The following CBARP variants were observed in gnomAD, a reference collection of about 807,000 sequenced individuals.
CBARP encodes voltage-dependent calcium channel beta subunit-associated regulatory protein.
CBARP carries 24 observed loss-of-function variants against 36.3 expected under a neutral mutation model. The observed-to-expected ratio is 0.66, with a 90% CI of 0.48 to 0.93. The LOEUF is 0.93. Ranked by LOEUF, CBARP falls within the 40% of genes least tolerant of loss-of-function variation. The pLI is 0.00. For synonymous variants in CBARP, 586 were observed against 453.2 expected, an observed-to-expected ratio of 1.29 and a Z score of -3.72; for missense variants, 1,146 against 980.4, an observed-to-expected ratio of 1.17 and a Z score of -2.26.
In CBARP at chr19:1,234,552, C is replaced by G; in HGVS notation, c.627+19G>C. The G allele has an allele frequency of 6.3e-7, 1 of 1,587,118 alleles. No homozygotes were observed. The highest frequency in any genetic ancestry group is 8.6e-7 in the Non-Finnish European group (1 of 1,166,974). ...CCTCCCGTCCCCCGAGGAACCGGGG[C>G]TGCTGCCCATAGGCTCACCTGGAAG... On this transcript the variant is annotated intron_variant, in intron 6 of 9. Coordinates refer to ENST00000650044, the MANE Select transcript of CBARP (RefSeq NM_001393918.1).
chr19:1,234,771 G>A lies in CBARP; in HGVS notation c.456-29C>T, dbSNP rs753298755. The A allele has an allele frequency of 7.5e-6, 12 of 1,601,734 alleles. No homozygotes were observed. The East Asian group carries it at 9.0e-5, about 12-fold the overall frequency. On this transcript the variant is annotated intron_variant, in intron 5 of 9. Coordinates refer to ENST00000650044, the MANE Select transcript of CBARP (RefSeq NM_001393918.1). ...CGACAGCATCTGGCCATCAGAGCCC[G>A]CCCACCTCCCATGCCCGATGCCCCA...
Position 1,231,137 on chromosome 19 carries a change from CG to C in CBARP, c.1117del (p.Arg373AlafsTer14). On this transcript the variant is annotated frameshift_variant, in exon 9 of 10. Transcript: ENST00000650044. LOFTEE classifies it low-confidence loss of function (END_TRUNC). ...AGGGGGCGGGCTGGCCAGAAAGGGG[CG>C]GGGGTGCGGGAAGGCCACGGCGTCG... ...AGDAVAFPHP[R>X]PFLASPPPAL... 2 of 1,598,076 alleles carry C rather than the reference CG, an allele frequency of 1.3e-6. No individual in the cohort carries two copies. Among genetic ancestry groups the C allele is most frequent in the South Asian group, 1.1e-5 (1 of 90,326 alleles).
At chr19:1,230,210 C>G in intron 9 of CBARP, 68 bp from the exon 10 acceptor site, 1 of 994,678 alleles carries the variant, frequency 1.0e-6, no homozygotes, top group Non-Finnish European at 1.2e-6. Context: ...GGCCATCCCG[C>G]CTCTGGATCA....
intron 8 of CBARP, 106 bp downstream of exon 8, chr19:1,233,320 C>G: frequency 8.5e-7 from 1 of 1,172,626 alleles, no homozygotes; most frequent in Non-Finnish European, 1.2e-6. Context: ...AGAGCACCGG[C>G]TCCCCACCCA....
upstream of CBARP, chr19:1,238,264 G>C (rs921896863): frequency 6.6e-6 from 1 of 152,232 alleles, no homozygotes; most frequent in African/African-American, 2.4e-5. Flanking sequence ...GGTCCGGGGG[G>C]GCACGGACTC....
In CBARP at chr19:1,235,906, G is replaced by C; in HGVS notation, c.118C>G (p.Pro40Ala). 2 of 1,611,854 alleles carry C rather than the reference G, an allele frequency of 1.2e-6. No individual in the cohort carries two copies. The highest frequency in any genetic ancestry group is 1.7e-6 in the Non-Finnish European group (2 of 1,179,816). Reference sequence around the variant, plus strand: ...AGCAGCACGTAGTTGTCCAGGATGGGGTCTGGCTCTGCCTGCGGGTGTGCA... The same window carrying C: ...AGCAGCACGTAGTTGTCCAGGATGGCGTCTGGCTCTGCCTGCGGGTGTGCA... ...ATGRPTAEPD[P>A]ILDNYVLLVV... The change falls in exon 3 of 10, where the codon CCC (proline) becomes GCC (alanine). Residue 40 changes from proline to alanine, a missense_variant. Coordinates refer to ENST00000650044, the MANE Select transcript of CBARP (RefSeq NM_001393918.1).
intron 3 of CBARP, 45 bp from the exon 4 acceptor site, chr19:1,235,610 T>C (rs1332414882): frequency 1.3e-6 from 2 of 1,593,636 alleles, no homozygotes; most frequent in Non-Finnish European, 1.7e-6. Flanking sequence ...AGGGCCCAGA[T>C]AGCCACAGTG....
intron 6 of CBARP, 112 bp from the exon 7 acceptor site, chr19:1,234,443 C>T: frequency 7.0e-7 from 1 of 1,434,180 alleles, no homozygotes; most frequent in Non-Finnish European, 9.1e-7. Context: ...TGCCCTGCTC[C>T]ACCCCACCCC....
intron 8 of CBARP, among the ~76,000 whole-genome samples, chr19:1,233,119 G>C (rs942667367): frequency 6.6e-6 from 1 of 152,186 alleles, no homozygotes; most frequent in African/African-American, 2.4e-5. Context: ...GGTGGCCCCC[G>C]ACACCCTCCT....
rs1171453523 is a variant in CBARP, at chr19:1,235,063, C to G, written c.393G>C (p.Arg131=). 2 of 1,611,178 alleles carry G rather than the reference C, an allele frequency of 1.2e-6. No individual in the cohort carries two copies. The highest frequency in any genetic ancestry group is 4.5e-5 in the East Asian group (2 of 44,852). The change falls in exon 5 of 10, where the codon CGG becomes CGC. Residue 131 remains arginine (R), a synonymous_variant. Coordinates refer to ENST00000650044, the MANE Select transcript of CBARP (RefSeq NM_001393918.1). ...ACAGCGCCGCCTCATTGAAGGAGAC[C>G]CGGCGGCCCGTGGAGCTGGTGGACA... The part of the protein sequence containing the change: ...RFLSTSSTGR[R]VSFNEAALFE...
At position 1,228,506 on chromosome 19, in the gene CBARP, G is replaced by A. The variant is rs2080846514; in HGVS notation, c.*673C>T. The A allele has an allele frequency of 5.2e-6, 1 of 191,204 alleles. No homozygotes were observed. Among genetic ancestry groups the A allele is most frequent in the Non-Finnish European group, 1.1e-5 (1 of 90,962 alleles). 11.8% of individuals were successfully genotyped at this position (191,204 alleles called of 1,614,324 possible). On this transcript the variant is annotated 3_prime_UTR_variant, in exon 10 of 10. Transcript: ENST00000650044. ...GGGGCGGGCGCCGTTGACATGCGGAGGGCAGTGGGGACTCGGGGCGCGGGA... is the reference window on the plus strand; with the variant it reads ...GGGGCGGGCGCCGTTGACATGCGGAAGGCAGTGGGGACTCGGGGCGCGGGA...
In CBARP at chr19:1,229,119, C is replaced by T; in HGVS notation, c.*60G>A. ...CGTCGCGCCCCCACGTCTCTCCCGC[C>T]GCCGAGGCCCCGTGCGGCGCCGGAG... On this transcript the variant is annotated 3_prime_UTR_variant, in exon 10 of 10. Coordinates refer to ENST00000650044, the MANE Select transcript of CBARP (RefSeq NM_001393918.1). The surrounding 1 kb of genome is among the most constrained non-coding windows in gnomAD (Gnocchi z 5.1). 4.2e-6 allele frequency: 3 copies of T among 711,818 alleles called. No homozygotes were observed. The highest frequency in any genetic ancestry group is 5.2e-6 in the Non-Finnish European group (3 of 573,222). 44.1% of individuals were successfully genotyped at this position (711,818 alleles called of 1,614,324 possible). A position where few individuals can be genotyped will look rare whatever the true frequency, so the allele number is the denominator to read the frequency against.
rs1415799454 is a variant in CBARP, at chr19:1,230,083, G to A, written c.1214C>T (p.Ala405Val). The change falls in exon 10 of 10, where the codon GCG (alanine) becomes GTG (valine). Residue 405 changes from alanine (A) to valine (V), a missense_variant. Transcript: ENST00000650044. The stretch of plus-strand genomic sequence containing the variant: ...CTGCTGCTCAGGCCCCGCGCTGCCC[G>A]CGCCGCGCTCCGGGGGGGAATCGGG... The part of the protein sequence containing the change: ...ASPDSPPERG[A>V]GSAGPEQQQP... The A allele has an allele frequency of 1.8e-6, 2 of 1,104,102 alleles. No individual in the cohort carries two copies. The highest frequency in any genetic ancestry group is 1.9e-5 in the South Asian group (1 of 51,824). The allele number at this position is 1,104,102 out of a possible 1,614,324, so 68.4% of individuals were successfully genotyped here.
rs552122460 is a variant in CBARP at position 1,231,119 on chromosome 19, G to A, written c.1136C>T (p.Pro379Leu). ...AAAATACCTGCCGAGAGCAGGGGGC[G>A]GGCTGGCCAGAAAGGGGCGGGGGTG... ...FPHPRPFLAS[P>L]PPALGRLEAA... is the part of the protein sequence containing the mutation. The change falls in exon 9 of 10, where the codon CCG becomes CTG. Residue 379 changes from proline (P) to leucine (L), a missense_variant. Transcript: ENST00000650044. 27 of 1,598,718 alleles carry A rather than the reference G, an allele frequency of 1.7e-5. No homozygotes were observed. Among genetic ancestry groups the A allele is most frequent in the Non-Finnish European group, 2.2e-5 (26 of 1,171,918 alleles).
chr19:1,230,620 C>T, intron 9 of CBARP: 1 of 1,230,432 alleles, frequency 8.1e-7, no homozygotes. Flanking sequence ...AGGAACCCTG[C>T]TCTGCCCCAG....
chr19:1,237,826 C>G lies in CBARP; in HGVS notation c.-92G>C, dbSNP rs1480341828. 1.3e-5 allele frequency: 2 copies of G among 148,392 alleles called. No homozygotes were observed. The highest frequency in any genetic ancestry group is 3.2e-3 in the Middle Eastern group (1 of 312). 9.2% of individuals were successfully genotyped at this position (148,392 alleles called of 1,614,324 possible). On this transcript the variant is annotated 5_prime_UTR_variant, in exon 1 of 10. Transcript: ENST00000650044. The stretch of plus-strand genomic sequence containing the variant: ...GCGGCTGCGTGGCGCTCGCGGCTGG[C>G]TCCGGCGCCCGGTGGCCGCGGAGCA...
chr19:1,234,117 C>T, intron 7 of CBARP, 74 bp downstream of exon 7: 2 of 1,411,722 alleles, frequency 1.4e-6, no homozygotes, highest in Non-Finnish European at 1.9e-6. Context: ...TGACCTTGGT[C>T]CTGGACTGGG....
At chr19:1,233,685 C>T (rs767104132) in intron 7 of CBARP, 49 bp from the exon 8 acceptor site, 54 of 1,529,576 alleles carry the variant, frequency 3.5e-5, no homozygotes, top group Non-Finnish European at 2.9e-5. Context: ...TTCCTGGGCC[C>T]GTGTGCTGGC....
chr19:1,237,705 C>G (rs1452110439), intron 1 of CBARP, 51 bp downstream of exon 1: 1 of 151,516 alleles, frequency 6.6e-6, no homozygotes, highest in Non-Finnish European at 1.5e-5. Context: ...GGCTGCGATC[C>G]CCGGCCTGTC....
Sources: gnomAD v4.1 joint callset for allele counts (sites outside exome capture counted in the v4.1 genomes callset) on GRCh38, gnomAD v4.1.1 for gene constraint, Gnocchi (gnomAD v3.1) non-coding constraint, MANE v1.5 for transcripts, NCBI Gene and HGNC (gene_info 2026-07-23, HGNC 2026-07-21) for gene names.